SEMA3A: variants seen among roughly 807,000 people sequenced by gnomAD.
The protein encoded by SEMA3A is semaphorin 3A.
Under a neutral mutation model 97.9 loss-of-function variants are expected in SEMA3A, and 29 were observed. The ratio of observed to expected loss-of-function variants is 0.30; its 90% CI spans 0.22 to 0.40. SEMA3A has a LOEUF of 0.40. Among genes scored for constraint, SEMA3A ranks in the 10% least tolerant of loss-of-function variants. The pLI is 1.00. For synonymous variants in SEMA3A, 321 were observed against 323.7 expected (o/e 0.99, Z 0.09); for missense variants, 763 against 951.3 (o/e 0.80, Z 2.60).
intron 1 of SEMA3A, among the ~76,000 whole-genome samples, chr7:84,474,358 A>G (rs1315773845): frequency 6.6e-6 from 1 of 152,222 alleles, no homozygotes; most frequent in Non-Finnish European, 1.5e-5. Flanking sequence ...TTTCCCAGAT[A>G]GGAAAATTAC....
chr7:84,487,383 C>T (rs1379737526), intron 1 of SEMA3A, among the ~76,000 whole-genome samples: 1 of 151,978 alleles, frequency 6.6e-6, no homozygotes, highest in African/African-American at 2.4e-5. Flanking sequence ...ACTCAGACTA[C>T]CCAGATCTGG....
intron 1 of SEMA3A, among the ~76,000 whole-genome samples, chr7:84,375,696 T>G (rs1376285756): frequency 6.6e-6 from 1 of 152,192 alleles, no homozygotes; most frequent in Non-Finnish European, 1.5e-5. Flanking sequence ...TTGGGAATAT[T>G]CAAAATTCTA....
intron 13 of SEMA3A, among the ~76,000 whole-genome samples, chr7:83,983,475 T>C (rs1407645186): frequency 6.6e-6 from 1 of 152,088 alleles, no homozygotes; most frequent in African/African-American, 2.4e-5. Context: ...ATATGACATT[T>C]AAGTAGGAAA....
chr7:84,479,562 C>CA (rs1806389869), intron 1 of SEMA3A, among the ~76,000 whole-genome samples: 1 of 151,982 alleles, frequency 6.6e-6, no homozygotes. Context: ...GGGCAGCTAT[C>CA]AAATAAATGA....
chr7:84,173,559 CAAAAAA>C (rs34919422), intron 1 of SEMA3A, among the ~76,000 whole-genome samples: 4 of 80,684 alleles, frequency 5.0e-5, no homozygotes, highest in African/African-American at 1.9e-4. Flanking sequence ...AACTCTGTCT[CAAAAAA>C]AAAAAAAAAA....
intron 2 of SEMA3A, among the ~76,000 whole-genome samples, chr7:84,334,550 C>A (rs1214565027): frequency 6.6e-6 from 1 of 152,070 alleles, no homozygotes; most frequent in Non-Finnish European, 1.5e-5. Flanking sequence ...CCTGTTCCCT[C>A]AATTTTCCTC....
intron 1 of SEMA3A, among the ~76,000 whole-genome samples, chr7:84,373,501 T>G (rs920020551): frequency 1.2e-4 from 18 of 152,326 alleles, no homozygotes; most frequent in South Asian, 6.2e-4. Flanking sequence ...GAGATCAGCC[T>G]GACTTACCCC....
intron 3 of SEMA3A, among the ~76,000 whole-genome samples, chr7:84,203,893 G>A (rs1446702796): frequency 2.0e-5 from 3 of 151,854 alleles, no homozygotes; most frequent in Non-Finnish European, 4.4e-5. Flanking sequence ...TTGGAGTGTA[G>A]GCCATGGCAT....
intron 2 of SEMA3A, among the ~76,000 whole-genome samples, chr7:84,344,664 T>C (rs1802252827): frequency 6.6e-6 from 1 of 152,114 alleles, no homozygotes; most frequent in Admixed American, 6.6e-5. Flanking sequence ...CTCAAGTCTT[T>C]GGCTGACCAC....
intron 4 of SEMA3A, among the ~76,000 whole-genome samples, chr7:84,086,173 C>T (rs144140234): frequency 1.3e-5 from 2 of 152,080 alleles, no homozygotes; most frequent in African/African-American, 2.4e-5. Flanking sequence ...ACAATCACTA[C>T]TACTGCTGTC....
At chr7:84,141,734 T>C (rs1398838594) in intron 1 of SEMA3A, among the ~76,000 whole-genome samples, 1 of 152,128 alleles carries the variant, frequency 6.6e-6, no homozygotes, top group Non-Finnish European at 1.5e-5. Flanking sequence ...CCCCTCTATG[T>C]GTCCATGTGT....
chr7:84,287,805 A>C (rs1304563491), intron 3 of SEMA3A, among the ~76,000 whole-genome samples: 1 of 152,128 alleles, frequency 6.6e-6, no homozygotes, highest in Admixed American at 6.6e-5. Flanking sequence ...AAAACTCAGC[A>C]TGTACTTTTG....
intron 3 of SEMA3A, among the ~76,000 whole-genome samples, chr7:84,295,943 A>G (rs1385092287): frequency 6.6e-6 from 1 of 152,098 alleles, no homozygotes. Context: ...ACAATACACT[A>G]CTCATGTTGT....
chr7:84,172,106 T>G (rs968847522), intron 1 of SEMA3A, among the ~76,000 whole-genome samples: 7 of 152,182 alleles, frequency 4.6e-5, no homozygotes, highest in Non-Finnish European at 1.0e-4. Context: ...CACATCTCTG[T>G]TTTTAGTCAT....
chr7:84,245,142 T>C (rs1191319583), intron 3 of SEMA3A, among the ~76,000 whole-genome samples: 1 of 152,166 alleles, frequency 6.6e-6, no homozygotes, highest in Non-Finnish European at 1.5e-5. Flanking sequence ...CCTGTATTGC[T>C]AGGATGGGGA....
intron 2 of SEMA3A, among the ~76,000 whole-genome samples, chr7:84,351,429 C>T (rs900753874): frequency 1.2e-4 from 18 of 151,724 alleles, no homozygotes; most frequent in African/African-American, 3.9e-4. Context: ...CTCCATATTC[C>T]GGAAAATGTA....
intron 3 of SEMA3A, among the ~76,000 whole-genome samples, chr7:84,253,971 T>C (rs554026): frequency 0.35 from 53,603 of 151,956 alleles, 10,429 homozygotes; most frequent in Middle Eastern, 0.46. Context: ...CTTAGATAAA[T>C]AAAATATTAA....
intron 1 of SEMA3A, among the ~76,000 whole-genome samples, chr7:84,164,528 A>T (rs1797141571): frequency 6.6e-6 from 1 of 152,136 alleles, no homozygotes; most frequent in South Asian, 2.1e-4. Context: ...TGATGACAAT[A>T]CTCTGATAAC....
intron 1 of SEMA3A, among the ~76,000 whole-genome samples, chr7:84,474,760 C>A (rs980871677): frequency 6.6e-6 from 1 of 151,950 alleles, no homozygotes; most frequent in Admixed American, 6.6e-5. Context: ...ATCCTAACAC[C>A]CTTGCTTCTA....
Sources: gnomAD v4.1 joint callset for allele counts (sites outside exome capture counted in the v4.1 genomes callset) on GRCh38, gnomAD v4.1.1 for gene constraint, MANE v1.5 for transcripts, NCBI Gene and HGNC (gene_info 2026-07-23, HGNC 2026-07-21) for gene names.